The following RBFOX1 variants were observed in gnomAD, a reference collection of about 807,000 sequenced individuals.
RBFOX1 encodes RNA binding protein fox-1 homolog 1.
A neutral mutation model predicts 57.7 loss-of-function variants in RBFOX1; 8 were observed. The ratio of observed to expected loss-of-function variants is 0.14; its 90% CI spans 0.08 to 0.25. RBFOX1 has a LOEUF of 0.25. Among genes scored for constraint, RBFOX1 ranks in the 10% least tolerant of loss-of-function variants. The pLI, the probability that RBFOX1 is intolerant of heterozygous loss-of-function variation, is 1.00. For synonymous variants in RBFOX1, 326 were observed against 222.4 expected (o/e 1.47, Z -4.15); for missense variants, 611 against 548.5 (o/e 1.11, Z -1.14).
At chr16:6,827,401 G>A (rs924005145) in intron 3 of RBFOX1, among the ~76,000 whole-genome samples, 1 of 152,134 alleles carries the variant, frequency 6.6e-6, no homozygotes, top group Admixed American at 6.5e-5. Flanking sequence ...CGCTGGAGGG[G>A]AAGTGCTTAT....
At chr16:6,995,472 G>C (rs929769713) in intron 3 of RBFOX1, among the ~76,000 whole-genome samples, 1 of 152,098 alleles carries the variant, frequency 6.6e-6, no homozygotes, top group Non-Finnish European at 1.5e-5. Context: ...GACAGAAGAG[G>C]AAGGCTTTGA....
At chr16:6,985,081 C>T (rs1194061183) in intron 3 of RBFOX1, among the ~76,000 whole-genome samples, 1 of 152,046 alleles carries the variant, frequency 6.6e-6, no homozygotes, top group Non-Finnish European at 1.5e-5. Flanking sequence ...TCTCAAGATT[C>T]TGGAATTTCC....
Position 6,833,392 on chromosome 16 carries a change from C to T in RBFOX1, c.-16+178742C>T, listed in dbSNP as rs567283586. On this transcript the variant is annotated intron_variant, in intron 3 of 15. Transcript: ENST00000550418. ...ATGTTGGTTCCGCTGTTCTCAAACTCCTGACCTCAGGTGATCAACCTGCCT... is the reference window on the plus strand; with the variant it reads ...ATGTTGGTTCCGCTGTTCTCAAACTTCTGACCTCAGGTGATCAACCTGCCT... Among the ~76,000 whole-genome samples, 4 of 152,208 alleles carry T rather than the reference C, an allele frequency of 2.6e-5. No homozygotes were observed. The South Asian group carries it at 8.3e-4, about 32-fold the overall frequency.
At chr16:6,466,942 C>G (rs1483163736) in intron 2 of RBFOX1, among the ~76,000 whole-genome samples, 1 of 151,570 alleles carries the variant, frequency 6.6e-6, no homozygotes, top group Admixed American at 6.6e-5. Context: ...CAGATTTAAT[C>G]CTTTCTATAA....
At chr16:5,552,840 A>G (rs2045516708) in intron 2 of RBFOX1, among the ~76,000 whole-genome samples, 1 of 62,170 alleles carries the variant, frequency 1.6e-5, no homozygotes, top group Admixed American at 1.8e-4. Flanking sequence ...GCCCTTGGGA[A>G]ACGAGGGAAA....
At chr16:7,271,670 T>C (rs1377498692) in intron 4 of RBFOX1, among the ~76,000 whole-genome samples, 1 of 152,172 alleles carries the variant, frequency 6.6e-6, no homozygotes, top group African/African-American at 2.4e-5. Context: ...ATGGCTCAAA[T>C]GCCAGATGTC....
chr16:5,554,403 A>G (rs2045590968), intron 2 of RBFOX1, among the ~76,000 whole-genome samples: 2 of 152,216 alleles, frequency 1.3e-5, no homozygotes, highest in South Asian at 4.1e-4. Context: ...AAAAAAATTA[A>G]AATTATTTTT....
At chr16:6,860,880 G>T (rs2058869905) in intron 3 of RBFOX1, among the ~76,000 whole-genome samples, 1 of 152,058 alleles carries the variant, frequency 6.6e-6, no homozygotes, top group Admixed American at 6.5e-5. Context: ...TTCAAAAATA[G>T]ATATTCCAAA....
At chr16:6,719,369 G>C (rs1053705933) in intron 3 of RBFOX1, among the ~76,000 whole-genome samples, 3 of 151,826 alleles carry the variant, frequency 2.0e-5, no homozygotes, top group African/African-American at 4.8e-5. Context: ...AAAATTATCA[G>C]GGAATAAATT....
At chr16:7,707,449 G>C (rs950486542) in intron 14 of RBFOX1, among the ~76,000 whole-genome samples, 1 of 152,176 alleles carries the variant, frequency 6.6e-6, no homozygotes, top group African/African-American at 2.4e-5. Flanking sequence ...TCTAAGGGAT[G>C]AGAGACGAGC....
intron 4 of RBFOX1, among the ~76,000 whole-genome samples, chr16:5,944,582 A>C (rs1295441685): frequency 1.3e-5 from 2 of 151,564 alleles, no homozygotes; most frequent in Non-Finnish European, 2.9e-5. Context: ...CTCAGTTTCG[A>C]CAAATGTGAA....
At chr16:6,975,238 C>G (rs1031912739) in intron 3 of RBFOX1, among the ~76,000 whole-genome samples, 5 of 150,306 alleles carry the variant, frequency 3.3e-5, no homozygotes, top group African/African-American at 1.2e-4. Context: ...CACCACAATA[C>G]TCAACCAAGA....
intron 3 of RBFOX1, among the ~76,000 whole-genome samples, chr16:6,657,253 A>G (rs944977448): frequency 2.0e-5 from 3 of 150,816 alleles, no homozygotes; most frequent in African/African-American, 4.9e-5. Flanking sequence ...TCAAATTCCC[A>G]GTAATACAGT....
rs1401342536 is a variant in RBFOX1, at chr16:5,920,035, G to GTCAAGCTCCGCCTCCGGGCTTCACT, written c.351+52703_351+52704insAGCTCCGCCTCCGGGCTTCACTTCA. Among the ~76,000 whole-genome samples, 4 of 152,280 alleles carry GTCAAGCTCCGCCTCCGGGCTTCACT rather than the reference G, an allele frequency of 2.6e-5. No homozygotes were observed. In the East Asian group the frequency reaches 7.7e-4, roughly 29 times the overall value. On this transcript the variant is annotated intron_variant, in intron 4 of 19. Coordinates refer to the RBFOX1 transcript ENST00000641259. ...TGCAAGCTCCGCCTCCGGGCTTCAC[G>GTCAAGCTCCGCCTCCGGGCTTCACT]TCATTCTCCTGCCTCAGCCTCCCGA...
chr16:6,052,459 TA>T (rs2095562176), intron 1 of RBFOX1, among the ~76,000 whole-genome samples: 1 of 152,146 alleles, frequency 6.6e-6, no homozygotes, highest in Non-Finnish European at 1.5e-5. Flanking sequence ...TACGCCTTGG[TA>T]TCCTAATCTG....
chr16:7,131,753 C>T (rs760549935), intron 4 of RBFOX1, among the ~76,000 whole-genome samples: 2 of 152,046 alleles, frequency 1.3e-5, no homozygotes, highest in Non-Finnish European at 2.9e-5. Flanking sequence ...ATTGGCCACT[C>T]AGGTTCTCTG....
chr16:7,246,882 C>G (rs914066005), intron 4 of RBFOX1, among the ~76,000 whole-genome samples: 1 of 152,062 alleles, frequency 6.6e-6, no homozygotes, highest in Admixed American at 6.5e-5. Flanking sequence ...CTGCCATCCA[C>G]GAGACAGGAA....
chr16:5,563,486 A>G (rs905844682), intron 2 of RBFOX1, among the ~76,000 whole-genome samples: 2 of 152,186 alleles, frequency 1.3e-5, no homozygotes, highest in African/African-American at 4.8e-5. Flanking sequence ...GAGAGAATAA[A>G]GTACACCAAA....
chr16:6,226,142 C>T (rs563439793), intron 1 of RBFOX1, among the ~76,000 whole-genome samples: 1 of 150,136 alleles, frequency 6.7e-6, no homozygotes, highest in East Asian at 2.0e-4. Flanking sequence ...GGAGGATCAC[C>T]TGAGGTCAGG....
Sources: allele counts gnomAD v4.1 joint callset (sites outside exome capture counted in the v4.1 genomes callset), GRCh38; gene constraint gnomAD v4.1.1; transcripts MANE v1.5; gene names NCBI Gene and HGNC (gene_info 2026-07-23, HGNC 2026-07-21).